The following RABGAP1L variants were observed in gnomAD, a reference collection of about 807,000 sequenced individuals.
The protein encoded by RABGAP1L is RAB GTPase activating protein 1 like.
A neutral mutation model predicts 137.7 loss-of-function variants in RABGAP1L; 63 were observed. The observed-to-expected ratio is 0.46, with a 90% CI of 0.37 to 0.56. The LOEUF is 0.56. Among genes scored for constraint, RABGAP1L ranks in the 20% least tolerant of loss-of-function variants. RABGAP1L has a pLI of 0.00. For missense variants in RABGAP1L, 1,095 were observed against 1,244.0 expected, an observed-to-expected ratio of 0.88 and a Z score of 1.80; for synonymous variants, 431 against 433.7, an observed-to-expected ratio of 0.99 and a Z score of 0.08.
chr1:174,392,433 T>G (rs928910089), intron 12 of RABGAP1L, among the ~76,000 whole-genome samples: 1 of 152,204 alleles, frequency 6.6e-6, no homozygotes, highest in African/African-American at 2.4e-5. Flanking sequence ...TAAGGTATGG[T>G]AGCACGTTAA....
chr1:174,744,699 C>G (rs1251036961), intron 17 of RABGAP1L, among the ~76,000 whole-genome samples: 1 of 152,100 alleles, frequency 6.6e-6, no homozygotes, highest in Non-Finnish European at 1.5e-5. Flanking sequence ...GGCCAATACT[C>G]TTCCAAAGCA....
At chr1:174,875,460 A>G (rs1652928138) in intron 19 of RABGAP1L, 1 of 937,050 alleles carries the variant, frequency 1.1e-6, no homozygotes, top group East Asian at 1.2e-4. Flanking sequence ...GGTTGCCAGC[A>G]GGGAGTAAGG....
Position 174,561,104 on chromosome 1 carries a change from A to G in RABGAP1L, c.1711-76271A>G, listed in dbSNP as rs143484771. ...CTCTGTTTGCAGATGACATGATCGT[A>G]TATTTAGAAAAACCCATTGTCTCAG... On this transcript the variant is annotated intron_variant, in intron 13 of 25. Coordinates refer to ENST00000681986, the MANE Select transcript of RABGAP1L (RefSeq NM_001366446.1). 6.8e-4 allele frequency among the ~76,000 whole-genome samples: 103 copies of G among 152,278 alleles called. 1 individual carries two copies. The highest frequency in any genetic ancestry group is 2.3e-3 in the African/African-American group (95 of 41,550).
At chr1:174,268,159 T>A (rs554762428) in intron 7 of RABGAP1L, among the ~76,000 whole-genome samples, 93 of 152,182 alleles carry the variant, frequency 6.1e-4, no homozygotes, top group Non-Finnish European at 1.3e-3. Flanking sequence ...ATTTTCTTAT[T>A]TGCAGTTCTG....
rs1297519618 is a variant in RABGAP1L, at chr1:174,902,900, A to G, written c.2341-54557A>G. ...CACTCTTCCTTTTTCATTCGTCTCC[A>G]TGAGTGTAATGGACCACAGCTGTTT... On this transcript the variant is annotated intron_variant, in intron 19 of 25. Coordinates refer to ENST00000681986, the MANE Select transcript of RABGAP1L (RefSeq NM_001366446.1). Among the ~76,000 whole-genome samples the G allele has an allele frequency of 6.6e-5, 10 of 152,114 alleles. No homozygotes were observed. The South Asian group carries it at 1.9e-3, about 28-fold the overall frequency.
chr1:174,220,759 GA>G (rs531221046), intron 2 of RABGAP1L: 2 of 361,504 alleles, frequency 5.5e-6, no homozygotes, highest in Non-Finnish European at 9.7e-6. Flanking sequence ...GTTTTATAAA[GA>G]ATCCTTTTGT....
chr1:174,280,400 T>C (rs1360273334), intron 10 of RABGAP1L, among the ~76,000 whole-genome samples: 1 of 152,204 alleles, frequency 6.6e-6, no homozygotes, highest in African/African-American at 2.4e-5. Flanking sequence ...TTCTAAGTGA[T>C]TTAGACACCT....
rs558797974 is a variant in RABGAP1L at position 174,348,712 on chromosome 1, C to T, written c.1466-22267C>T. 1.4e-3 allele frequency among the ~76,000 whole-genome samples: 204 copies of T among 148,030 alleles called. 1 individual carries two copies. The South Asian group carries it at 0.019, about 14-fold the overall frequency. ...CTGTTTAACAAAGCACATCTTGCACCGCCCTTAATCCATTTAACCCTGAGT... is the reference window on the plus strand; with the variant it reads ...CTGTTTAACAAAGCACATCTTGCACTGCCCTTAATCCATTTAACCCTGAGT... On this transcript the variant is annotated intron_variant, in intron 11 of 25. Transcript: ENST00000681986.
chr1:174,203,236 A>G (rs1668259689), intron 1 of RABGAP1L, among the ~76,000 whole-genome samples: 1 of 152,084 alleles, frequency 6.6e-6, no homozygotes, highest in Admixed American at 6.6e-5. Flanking sequence ...TAGCCAGTTT[A>G]TCCCATCACT....
chr1:174,752,495 T>A, intron 18 of RABGAP1L, 141 bp downstream of exon 18: 1 of 547,388 alleles, frequency 1.8e-6, no homozygotes, highest in Non-Finnish European at 3.1e-6. Flanking sequence ...GAAACTCTGA[T>A]CCTCTTCCCT....
chr1:174,814,700 CT>C (rs370445261), intron 19 of RABGAP1L, among the ~76,000 whole-genome samples: 3,468 of 145,154 alleles, frequency 0.024, 52 homozygotes, highest in Middle Eastern at 0.09. Context: ...ATTGTATTTC[CT>C]TTTTTTTTTT....
rs749154346 is a variant in RABGAP1L at position 174,242,824 on chromosome 1, T to G, written c.717+1167T>G. On this transcript the variant is annotated intron_variant, in intron 5 of 25. Transcript: ENST00000681986. ...CATATCTATGTGTATACTGACTTCT[T>G]GTTCAAAATGGTCTGATAGACAGGA... Among the ~76,000 whole-genome samples, 89 of 152,228 alleles carry G rather than the reference T, an allele frequency of 5.8e-4. 1 individual carries two copies. The highest frequency in any genetic ancestry group is 2.5e-4 in the Non-Finnish European group (17 of 68,044).
At chr1:174,245,360 C>T (rs1344264579) in intron 5 of RABGAP1L, 1 of 152,192 alleles carries the variant, frequency 6.6e-6, no homozygotes, top group Non-Finnish European at 1.5e-5. Context: ...GCGTGAGCCA[C>T]CACACCCAGT....
intron 24 of RABGAP1L, among the ~76,000 whole-genome samples, chr1:174,984,043 TG>T (rs1048947560): frequency 3.0e-4 from 41 of 136,632 alleles, no homozygotes; most frequent in African/African-American, 9.9e-4. Flanking sequence ...GAATTTTTTT[TG>T]TATTTCTTCT....
chr1:174,170,936 A>G (rs2148230395), intron 1 of RABGAP1L, among the ~76,000 whole-genome samples: 1 of 152,330 alleles, frequency 6.6e-6, no homozygotes, highest in Admixed American at 6.5e-5. Context: ...TTGTACACAT[A>G]TTTGTTTGTA....
chr1:174,937,286 A>AT (rs1051510975), intron 19 of RABGAP1L, among the ~76,000 whole-genome samples: 20 of 115,242 alleles, frequency 1.7e-4, no homozygotes, highest in African/African-American at 6.0e-4. Flanking sequence ...GCCAAGATTA[A>AT]TTTTTTTTTC....
intron 14 of RABGAP1L, among the ~76,000 whole-genome samples, chr1:174,662,105 T>TTTC (rs1553228894): frequency 1.8e-5 from 2 of 110,066 alleles, no homozygotes; most frequent in Middle Eastern, 3.5e-3. Flanking sequence ...TTCTTTTCTT[T>TTTC]TTTTTTTTTT....
intron 19 of RABGAP1L, among the ~76,000 whole-genome samples, chr1:174,916,332 AC>A (rs1355197694): frequency 2.6e-5 from 4 of 152,122 alleles, no homozygotes; most frequent in Admixed American, 1.3e-4. Flanking sequence ...TTCTGAATTC[AC>A]CTTCTTGCTT....
intron 13 of RABGAP1L, among the ~76,000 whole-genome samples, chr1:174,505,612 C>T (rs183516402): frequency 1.3e-5 from 2 of 152,138 alleles, no homozygotes; most frequent in African/African-American, 4.8e-5. Context: ...TGTCACTTCA[C>T]ACCTGTTAGA....
Sources: gnomAD v4.1 joint callset for allele counts (sites outside exome capture counted in the v4.1 genomes callset) on GRCh38, gnomAD v4.1.1 for gene constraint, MANE v1.5 for transcripts, NCBI Gene and HGNC (gene_info 2026-07-23, HGNC 2026-07-21) for gene names.